Variants in BCL11B observed in about 807,000 individuals in gnomAD.
BCL11B encodes the protein BCL11 transcription factor B.
BCL11B carries 8 observed loss-of-function variants against 49.9 expected under a neutral mutation model. The ratio of observed to expected loss-of-function variants is 0.16; its 90% CI spans 0.09 to 0.29. BCL11B has a LOEUF of 0.29. Among genes scored for constraint, BCL11B ranks in the 10% least tolerant of loss-of-function variants. BCL11B has a pLI of 1.00. For synonymous variants in BCL11B, 739 were observed against 637.4 expected (o/e 1.16, Z -2.40); for missense variants, 1,006 against 1,351.0 (o/e 0.74, Z 4.00).
chr14:99,267,067 G>C (rs1889504434), intron 1 of BCL11B, among the ~76,000 whole-genome samples: 1 of 152,016 alleles, frequency 6.6e-6, no homozygotes, highest in Non-Finnish European at 1.5e-5. Context: ...GGTTGAGTAG[G>C]ACCCACTTAG....
intron 2 of BCL11B, among the ~76,000 whole-genome samples, chr14:99,240,508 A>C (rs1394872172): frequency 6.6e-6 from 1 of 152,238 alleles, no homozygotes; most frequent in African/African-American, 2.4e-5. Context: ...TGACTAAAAA[A>C]TTGAACAGGC....
At chr14:99,244,807 C>A (rs542653587) in intron 2 of BCL11B, among the ~76,000 whole-genome samples, 1 of 152,192 alleles carries the variant, frequency 6.6e-6, no homozygotes, top group African/African-American at 2.4e-5. Flanking sequence ...AACGCCATGA[C>A]GGTGCCGTTT....
At chr14:99,229,983 T>A (rs1291710357) in intron 3 of BCL11B, among the ~76,000 whole-genome samples, 1 of 152,224 alleles carries the variant, frequency 6.6e-6, no homozygotes, top group Non-Finnish European at 1.5e-5. Context: ...TTGCAAGTGG[T>A]TCCGACTCCT....
chr14:99,182,025 G>A (rs1212828157), intron 3 of BCL11B, among the ~76,000 whole-genome samples: 2 of 152,160 alleles, frequency 1.3e-5, no homozygotes, highest in South Asian at 4.1e-4. Flanking sequence ...TGTCCATTGG[G>A]CACCGCAGGG....
intron 3 of BCL11B, among the ~76,000 whole-genome samples, chr14:99,188,633 C>A (rs541931291): frequency 3.3e-4 from 50 of 152,232 alleles, no homozygotes; most frequent in African/African-American, 1.2e-3. Flanking sequence ...CAGGTCAGTT[C>A]GTCTTTCTGG....
At chr14:99,190,638 A>G (rs1189374093) in intron 3 of BCL11B, among the ~76,000 whole-genome samples, 1 of 152,208 alleles carries the variant, frequency 6.6e-6, no homozygotes, top group Admixed American at 6.5e-5. Context: ...AGGAGGGAGG[A>G]AGGGCAGTAA....
At chr14:99,193,612 T>G (rs1595233254) in intron 3 of BCL11B, among the ~76,000 whole-genome samples, 4 of 152,266 alleles carry the variant, frequency 2.6e-5, no homozygotes, top group Admixed American at 2.6e-4. Context: ...AAAAAAAAGT[T>G]TCCCTTCTAA....
intron 1 of BCL11B, among the ~76,000 whole-genome samples, chr14:99,267,744 CAGTT>C (rs1295523948): frequency 1.3e-5 from 2 of 152,208 alleles, no homozygotes; most frequent in Admixed American, 6.5e-5. Flanking sequence ...GGAATTAACA[CAGTT>C]AGCCTAACTT....
At chr14:99,221,441 C>A (rs558394720) in intron 3 of BCL11B, among the ~76,000 whole-genome samples, 1 of 152,234 alleles carries the variant, frequency 6.6e-6, no homozygotes, top group Non-Finnish European at 1.5e-5. Flanking sequence ...CGCCACGATC[C>A]CTTCCTTGAG....
chr14:99,174,415 G>A lies in BCL11B; in HGVS notation c.2421C>T (p.Asn807=), dbSNP rs888230251. 6.2e-7 allele frequency: 1 copy of A among 1,613,340 alleles called. No homozygotes were observed. The highest frequency in any genetic ancestry group is 8.5e-7 in the Non-Finnish European group (1 of 1,179,850). Residue 807 remains asparagine (N), a synonymous_variant, in exon 4 of 4, where the codon AAC becomes AAT. Transcript: ENST00000357195. ...TCEYCGKVFK[N]CSNLTVHRRS... ...GCCGGTGCACCGTCAAGTTGCTGCA[G>A]TTCTTGAACACCTTGCCGCAGTACT...
At position 99,213,542 on chromosome 14, in the gene BCL11B, C is replaced by T. The variant is rs1887746397; in HGVS notation, c.640+17803G>A. On this transcript the variant is annotated intron_variant, in intron 3 of 3. Coordinates refer to ENST00000357195, the MANE Select transcript of BCL11B (RefSeq NM_138576.4). This position sits in a 1 kb window ranked among gnomAD's most constrained non-coding sequence, Gnocchi z 5.1. Reference sequence around the variant, plus strand: ...GCTCAGGGAAATATTGTCTAAGAAACACTCATTTTACTCCACGGGCAATGG... The same window carrying T: ...GCTCAGGGAAATATTGTCTAAGAAATACTCATTTTACTCCACGGGCAATGG... 1.3e-5 allele frequency among the ~76,000 whole-genome samples: 2 copies of T among 152,162 alleles called. No individual in the cohort carries two copies. The highest frequency in any genetic ancestry group is 2.1e-4 in the South Asian group (1 of 4,826).
At chr14:99,208,249 C>T (rs1887590031) in intron 3 of BCL11B, among the ~76,000 whole-genome samples, 1 of 152,150 alleles carries the variant, frequency 6.6e-6, no homozygotes, top group Non-Finnish European at 1.5e-5. Context: ...GATGGGCCTG[C>T]TCAGGCCTGG....
rs763938840 is a variant in BCL11B at position 99,175,105 on chromosome 14, C to T, written c.1731G>A (p.Pro577=). 4 of 1,595,276 alleles carry T rather than the reference C, an allele frequency of 2.5e-6. No homozygotes were observed. The highest frequency in any genetic ancestry group is 3.4e-5 in the Admixed American group (2 of 59,600). ...CCTTGGCCGCGCCGCCCCCCGCGCC[C>T]GGGACCCCGGGCACCCCACCACCGC... ...ENGGGGVPGV[P]GAGGGAAKAL... Residue 577 remains proline (P), a synonymous_variant, in exon 4 of 4, where the codon CCG becomes CCA. Transcript: ENST00000357195.
intron 3 of BCL11B, among the ~76,000 whole-genome samples, chr14:99,216,862 C>T (rs571904679): frequency 7.7e-4 from 118 of 152,274 alleles, no homozygotes; most frequent in African/African-American, 2.3e-3. Flanking sequence ...CACACACACA[C>T]GCATACATAC....
intron 2 of BCL11B, among the ~76,000 whole-genome samples, chr14:99,240,984 G>A (rs185222176): frequency 5.9e-5 from 9 of 152,166 alleles, no homozygotes; most frequent in Admixed American, 2.0e-4. Context: ...GAAATTGGGG[G>A]AAATCATAGC....
intron 2 of BCL11B, among the ~76,000 whole-genome samples, chr14:99,245,341 T>C (rs1426931558): frequency 6.6e-6 from 1 of 152,230 alleles, no homozygotes; most frequent in Non-Finnish European, 1.5e-5. Flanking sequence ...CCCACTCCAG[T>C]GGAGGGTTCC....
At chr14:99,203,781 C>T (rs1887454181) in intron 3 of BCL11B, among the ~76,000 whole-genome samples, 1 of 152,190 alleles carries the variant, frequency 6.6e-6, no homozygotes, top group Non-Finnish European at 1.5e-5. Context: ...GGCATCATTA[C>T]AGGCCAGCAC....
chr14:99,251,369 C>G (rs1889003010), intron 2 of BCL11B, among the ~76,000 whole-genome samples: 2 of 152,126 alleles, frequency 1.3e-5, no homozygotes, highest in Admixed American at 6.5e-5. Flanking sequence ...TTGTCTGAAT[C>G]AAACCTTATA....
chr14:99,260,439 C>T (rs1889304327), intron 1 of BCL11B, among the ~76,000 whole-genome samples: 1 of 152,132 alleles, frequency 6.6e-6, no homozygotes, highest in Admixed American at 6.5e-5. Flanking sequence ...CGTCCGCCCT[C>T]CTGAGTAGGA....
Sources: allele counts gnomAD v4.1 joint callset (sites outside exome capture counted in the v4.1 genomes callset), GRCh38; gene constraint gnomAD v4.1.1; non-coding constraint Gnocchi (gnomAD v3.1); transcripts MANE v1.5; gene names NCBI Gene and HGNC (gene_info 2026-07-23, HGNC 2026-07-21).